MUC4: variants seen among roughly 807,000 people sequenced by gnomAD.
MUC4 encodes the protein mucin 4, cell surface associated, also known as mucin-4.
Under a neutral mutation model 257.9 loss-of-function variants are expected in MUC4, and 202 were observed. The observed-to-expected ratio is 0.78, with a 90% CI of 0.70 to 0.88. The LOEUF (loss-of-function observed/expected upper bound fraction) is 0.88, where lower values mean the gene tolerates loss of function less well. Ranked by LOEUF, MUC4 falls within the 40% of genes least tolerant of loss-of-function variation. The pLI is 0.00. For missense variants in MUC4, 5,976 were observed against 6,513.7 expected (o/e 0.92, Z 2.84); for synonymous variants, 2,351 against 2,757.1 (o/e 0.85, Z 4.62).
intron 21 of MUC4, 130 bp from the exon 22 acceptor site, chr3:195,751,401 C>G (rs1716411882): frequency 2.8e-6 from 2 of 713,976 alleles, no homozygotes; most frequent in Admixed American, 4.2e-5. Context: ...CAGCACCTTC[C>G]TCACCTGTCT....
intron 7 of MUC4, among the ~76,000 whole-genome samples, chr3:195,767,793 C>CCACCAT (rs1553861076): frequency 5.5e-5 from 4 of 73,290 alleles, no homozygotes; most frequent in East Asian, 1.1e-3. Context: ...ACCATCATTG[C>CCACCAT]CACCACCATC....
intron 1 of MUC4, among the ~76,000 whole-genome samples, chr3:195,801,944 TC>T (rs1244533600): frequency 6.6e-6 from 1 of 151,380 alleles, no homozygotes; most frequent in Non-Finnish European, 1.5e-5. Flanking sequence ...GCCACCTCTC[TC>T]CCCCGCTCCA....
intron 23 of MUC4, 77 bp downstream of exon 23, chr3:195,750,812 T>G (rs1390025122): frequency 6.0e-6 from 8 of 1,330,428 alleles, no homozygotes; most frequent in East Asian, 4.7e-5. Flanking sequence ...ATTAGCTTGT[T>G]TGTGTGGGCT....
chr3:195,778,653 C>A, intron 2 of MUC4, 137 bp downstream of exon 2: 1 of 1,259,752 alleles, frequency 7.9e-7, no homozygotes, highest in Non-Finnish European at 1.1e-6. Context: ...CCACCACACC[C>A]ATCACCTCCT....
chr3:195,791,241 T>TGTCTCCTGCGTGACA lies in MUC4; in HGVS notation c.338_339insTGTCACGCAGGAGAC (p.Thr113_Ala114insValThrGlnGluThr). The TGTCTCCTGCGTGACA allele has an allele frequency of 6.2e-7, 1 of 1,613,196 alleles. No homozygotes were observed. The highest frequency in any genetic ancestry group is 8.5e-7 in the Non-Finnish European group (1 of 1,179,520). On this transcript the variant is annotated inframe_insertion, in exon 2 of 25. Transcript: ENST00000463781. The stretch of plus-strand genomic sequence containing the variant: ...ATGTGGTCATTTCATCTGGAGGAGC[T>TGTCTCCTGCGTGACA]GTCTCCATCACATTGTGTACACTTG...
rs918262243 is a variant in MUC4 at position 195,788,656 on chromosome 3, G to A, written c.2924C>T (p.Thr975Ile). Residue 975 changes from threonine to isoleucine, a missense_variant, in exon 2 of 25, where the codon ACC (threonine) becomes ATC (isoleucine). Around this residue, in one of 44 missense-constraint regions of MUC4, gnomAD observed 1,583 missense variants for 1,257.4 expected, o/e 1.26. Transcript: ENST00000463781. ...TFTTALISNA[T>I]PLPVTYASSA... ...GGAAGCGTAGGTGACAGGAAGAGGG[G>A]TGGCGTTGCTGATGAGGGCCGTGGT... 2 of 1,611,506 alleles carry A rather than the reference G, an allele frequency of 1.2e-6. No homozygotes were observed. Among genetic ancestry groups the A allele is most frequent in the Non-Finnish European group, 1.7e-6 (2 of 1,178,752 alleles).
rs1715176075 is a variant in MUC4, at chr3:195,747,107, G to A, written c.*69C>T. 1.9e-6 allele frequency: 3 copies of A among 1,587,164 alleles called. No individual in the cohort carries two copies. The highest frequency in any genetic ancestry group is 2.7e-5 in the African/African-American group (2 of 74,156). On this transcript the variant is annotated 3_prime_UTR_variant, in exon 25 of 25. Transcript: ENST00000463781. ...CCTTCCCTTTTCCAGTCTCCCAAAAGCAATGGCGCCTTAAATGTGCGGTAA... is the reference window on the plus strand; with the variant it reads ...CCTTCCCTTTTCCAGTCTCCCAAAAACAATGGCGCCTTAAATGTGCGGTAA...
rs1483335100 is a variant in MUC4 at position 195,773,589 on chromosome 3, G to A, written c.13077+583C>T. Among the ~76,000 whole-genome samples, 7 of 135,118 alleles carry A rather than the reference G, an allele frequency of 5.2e-5. No individual in the cohort carries two copies. In the South Asian group the frequency reaches 7.4e-4, roughly 14 times the overall value. 88.6% of individuals were successfully genotyped at this position (135,118 alleles called of 152,430 possible). On this transcript the variant is annotated intron_variant, in intron 4 of 24. Coordinates refer to ENST00000463781, the MANE Select transcript of MUC4 (RefSeq NM_018406.7). ...CAGGTGTGGACACCCTCTCGCCATC[G>A]CTCAGCAGGTGTGGACACCCTCTCT... is the stretch of plus-strand genomic sequence containing the variant.
intron 12 of MUC4, 56 bp from the exon 13 acceptor site, chr3:195,763,001 G>GCTGCTTTCCTGGGC: frequency 1.4e-6 from 2 of 1,389,910 alleles, no homozygotes; most frequent in Non-Finnish European, 2.0e-6. Flanking sequence ...CCGACGCCCA[G>GCTGCTTTCCTGGGC]GAAAGCAGCT....
chr3:195,810,948 T>A lies in MUC4; in HGVS notation c.82+788A>T, dbSNP rs1736626282. On this transcript the variant is annotated intron_variant, in intron 1 of 24. Transcript: ENST00000463781. This position sits in a 1 kb window ranked among gnomAD's most constrained non-coding sequence, Gnocchi z 4.2. Reference sequence around the variant, plus strand: ...CCTCTTGCTCTGGCTCTGCCTGTCTTTCTCTCTGCGAGTAAGCCTGGGCTC... The same window carrying A: ...CCTCTTGCTCTGGCTCTGCCTGTCTATCTCTCTGCGAGTAAGCCTGGGCTC... 6.6e-6 allele frequency among the ~76,000 whole-genome samples: 1 copy of A among 152,100 alleles called. No individual in the cohort carries two copies. The highest frequency in any genetic ancestry group is 2.1e-4 in the South Asian group (1 of 4,820).
At position 195,769,100 on chromosome 3, in the gene MUC4, A is replaced by C. The variant is rs367779467; in HGVS notation, c.13451T>G (p.Leu4484Arg). The C allele has an allele frequency of 8.9e-5, 144 of 1,614,022 alleles. No individual in the cohort carries two copies. Among genetic ancestry groups the C allele is most frequent in the Non-Finnish European group, 1.2e-4 (137 of 1,180,018 alleles). ...LSTDGSRSYA[L>R]FLYQSGGMQW... ...CATCCCACCGCTCTGGTAGAGAAACAGGGCATAGGACCTGCTCCCGTCCGT... is the reference window on the plus strand; with the variant it reads ...CATCCCACCGCTCTGGTAGAGAAACCGGGCATAGGACCTGCTCCCGTCCGT... Residue 4484 changes from leucine to arginine, a missense_variant, in exon 7 of 25, where the codon CTG becomes CGG. By Grantham distance (102) the Leu-to-Arg change is moderately radical. This residue lies in a region of MUC4 where 996 missense variants were observed against 1,137.3 expected (regional missense o/e 0.88). Transcript: ENST00000463781.
chr3:195,789,168 G>T lies in MUC4; in HGVS notation c.2412C>A (p.Thr804=), dbSNP rs377036013. Reference sequence around the variant, plus strand: ...TGCCACTCGCCCCGGATGAGGAAGGGGTAGCTGTGCCCGCTGAGGTGGTTC... The same window carrying T: ...TGCCACTCGCCCCGGATGAGGAAGGTGTAGCTGTGCCCGCTGAGGTGGTTC... ...GSRTTSAGTA[T]PSSSGASGTT... The change falls in exon 2 of 25, where the codon ACC becomes ACA. Residue 804 remains threonine, a synonymous_variant. Coordinates refer to ENST00000463781, the MANE Select transcript of MUC4 (RefSeq NM_018406.7). 1.2e-6 allele frequency: 2 copies of T among 1,613,826 alleles called. No homozygotes were observed. The highest frequency in any genetic ancestry group is 1.7e-6 in the Non-Finnish European group (2 of 1,179,836).
chr3:195,763,726 G>A (rs1245974943), intron 11 of MUC4, 85 bp from the exon 12 acceptor site: 2 of 1,314,508 alleles, frequency 1.5e-6, no homozygotes, highest in African/African-American at 3.0e-5. Context: ...TGCGGCACTT[G>A]TCCAGGAGGA....
chr3:195,754,643 T>A (rs953771792), intron 18 of MUC4, among the ~76,000 whole-genome samples: 57 of 152,224 alleles, frequency 3.7e-4, no homozygotes, highest in Admixed American at 2.6e-4. Context: ...GCCTCTTCCC[T>A]CTCACACTCT....
At chr3:195,808,690 G>A (rs1736305845) in intron 1 of MUC4, among the ~76,000 whole-genome samples, 1 of 152,222 alleles carries the variant, frequency 6.6e-6, no homozygotes, top group South Asian at 2.1e-4. Flanking sequence ...CTGAGTTTCA[G>A]CCCCTGCTCT....
chr3:195,780,018 GGTGTC>G lies in MUC4; in HGVS notation c.11557_11561del (p.Asp3853HisfsTer7), dbSNP rs1726633578. ...AAGGGCTAGTGACAGGAAGAGGCAT[GGTGTC>G]ACCTGTGGATACTGAGGAAGGGATG... On this transcript the variant is annotated frameshift_variant, in exon 2 of 25. Coordinates refer to ENST00000463781, the MANE Select transcript of MUC4 (RefSeq NM_018406.7). LOFTEE classifies it high-confidence loss of function. 1.3e-6 allele frequency: 1 copy of G among 745,662 alleles called. No homozygotes were observed. The highest frequency in any genetic ancestry group is 4.7e-5 in the African/African-American group (1 of 21,210). 46.2% of individuals were successfully genotyped at this position (745,662 alleles called of 1,614,324 possible).
At chr3:195,767,800 CAT>C (rs1721619490) in intron 7 of MUC4, among the ~76,000 whole-genome samples, 1 of 128,462 alleles carries the variant, frequency 7.8e-6, no homozygotes, top group Non-Finnish European at 1.6e-5. Flanking sequence ...TTGCCACCAC[CAT>C]CATCACCACC....
At chr3:195,756,644 T>C (rs887781928) in intron 18 of MUC4, among the ~76,000 whole-genome samples, 1 of 9,074 alleles carries the variant, frequency 1.1e-4, no homozygotes, top group Non-Finnish European at 3.8e-4. Context: ...CCTTCTTTCT[T>C]TCTTTTCTTT....
At position 195,782,764 on chromosome 3, in the gene MUC4, G is replaced by C; in HGVS notation, c.8816C>G (p.Thr2939Arg). The change falls in exon 2 of 25, where the codon ACA (threonine) becomes AGA (arginine). Residue 2939 changes from threonine (T) to arginine (R), a missense_variant. Transcript: ENST00000463781. ...LPVTSLSSVSTGDTTPLPVTD... is the reference protein window; with the variant it reads ...LPVTSLSSVSRGDTTPLPVTD... ...GACAGGAAGAGGGGTGGTGTCACCT[G>C]TGGATACTGAGGAAAGGCTGGTGAC... 1.3e-6 allele frequency: 2 copies of C among 1,521,840 alleles called. No homozygotes were observed. The highest frequency in any genetic ancestry group is 2.5e-5 in the East Asian group (1 of 39,870). The allele number at this position is 1,521,840 out of a possible 1,614,324, so 94.3% of individuals were successfully genotyped here. A position where few individuals can be genotyped will look rare whatever the true frequency, so the allele number is the denominator to read the frequency against.
Sources: allele counts gnomAD v4.1 joint callset (sites outside exome capture counted in the v4.1 genomes callset), GRCh38; gene constraint gnomAD v4.1.1; regional missense constraint gnomAD v4.1.1; non-coding constraint Gnocchi (gnomAD v3.1); transcripts MANE v1.5; gene names NCBI Gene and HGNC (gene_info 2026-07-23, HGNC 2026-07-21).